The following SIPA1L2 variants were observed in gnomAD, a reference collection of about 807,000 sequenced individuals.
SIPA1L2 encodes the protein signal induced proliferation associated 1 like 2.
In SIPA1L2, 56 loss-of-function variants were observed where a neutral mutation model predicts 163.9. The observed-to-expected ratio is 0.34, with a 90% CI of 0.28 to 0.43. SIPA1L2 has a LOEUF of 0.43. Among genes scored for constraint, SIPA1L2 ranks in the 20% least tolerant of loss-of-function variants. The pLI, the probability that SIPA1L2 is intolerant of heterozygous loss-of-function variation, is 1.00. For missense variants in SIPA1L2, 1,974 were observed against 2,193.5 expected (o/e 0.90, Z 2.00); for synonymous variants, 877 against 865.7 (o/e 1.01, Z -0.23).
At chr1:232,591,593 C>T (rs1660962049) in intron 1 of SIPA1L2, among the ~76,000 whole-genome samples, 1 of 152,260 alleles carries the variant, frequency 6.6e-6, no homozygotes, top group African/African-American at 2.4e-5. Context: ...TGTGTGTTGC[C>T]TTTAAGCTCT....
upstream of SIPA1L2, among the ~76,000 whole-genome samples, chr1:232,630,172 C>G (rs923292755): frequency 6.6e-6 from 1 of 151,532 alleles, no homozygotes; most frequent in African/African-American, 2.4e-5. Context: ...GCCCGCCCAG[C>G]GGCACCGCCC....
chr1:232,415,514 T>A lies in SIPA1L2; in HGVS notation c.4742A>T (p.Asp1581Val), dbSNP rs1393460518. The part of the protein sequence containing the change: ...ATGLDWTHLV[D>V]AARAFEGLDS... ...TTTACCTTCAAATGCCCGTGCAGCA[T>A]CCACGAGGTGGGTCCAATCTAACCC... The change falls in exon 19 of 23, where the codon GAT becomes GTT. Residue 1581 changes from aspartate (D) to valine (V), a missense_variant. Asp to Val is a radical substitution (Grantham distance 152). Around this residue, in one of 3 missense-constraint regions of SIPA1L2, gnomAD observed 1,079 missense variants for 1,150.7 expected, o/e 0.94. Transcript: ENST00000674635. 1 of 1,612,112 alleles carries A rather than the reference T, an allele frequency of 6.2e-7. No homozygotes were observed. The highest frequency in any genetic ancestry group is 1.1e-5 in the South Asian group (1 of 90,656).
In SIPA1L2 at chr1:232,513,911, T is replaced by G; in HGVS notation, c.1429A>C (p.Ile477Leu). The change falls in exon 3 of 23, where the codon ATA becomes CTA. Residue 477 changes from isoleucine to leucine, a missense_variant. By Grantham distance (5) the Ile-to-Leu change is conservative (BLOSUM62 2). Coordinates refer to ENST00000674635, the MANE Select transcript of SIPA1L2 (RefSeq NM_020808.5). ...IHREKVKRYIIEHIDLGAYYY... is the reference protein window; with the variant it reads ...IHREKVKRYILEHIDLGAYYY... ...TAGGCCCCAAGGTCAATGTGTTCTA[T>G]GATGTAGCGCTTCACTTTCTCCCTG... 6.2e-7 allele frequency: 1 copy of G among 1,612,624 alleles called. No individual in the cohort carries two copies. Among genetic ancestry groups the G allele is most frequent in the East Asian group, 2.2e-5 (1 of 44,880 alleles).
chr1:232,430,020 A>G (rs1433848812), intron 16 of SIPA1L2, among the ~76,000 whole-genome samples: 1 of 152,264 alleles, frequency 6.6e-6, no homozygotes, highest in Non-Finnish European at 1.5e-5. Context: ...TTTCTCTGCT[A>G]AACTAGTAAT....
intron 7 of SIPA1L2, among the ~76,000 whole-genome samples, chr1:232,478,732 T>C (rs960965304): frequency 6.6e-6 from 1 of 152,212 alleles, no homozygotes; most frequent in Non-Finnish European, 1.5e-5. Context: ...AAAATTAAAT[T>C]ATGTCAATGA....
intron 2 of SIPA1L2, among the ~76,000 whole-genome samples, chr1:232,543,213 GTCTA>G (rs1382983409): frequency 1.3e-5 from 2 of 152,130 alleles, no homozygotes; most frequent in Admixed American, 6.5e-5. Flanking sequence ...TTTCACCTAG[GTCTA>G]TCTAACTAGT....
intron 2 of SIPA1L2, among the ~76,000 whole-genome samples, chr1:232,529,355 T>C (rs1246908843): frequency 1.3e-5 from 2 of 152,222 alleles, no homozygotes; most frequent in Non-Finnish European, 2.9e-5. Context: ...TCAAAATACG[T>C]TGTGTTCCTT....
At chr1:232,416,808 T>C (rs6658285) in intron 18 of SIPA1L2, among the ~76,000 whole-genome samples, 4,393 of 152,308 alleles carry the variant, frequency 0.029, 216 homozygotes, top group African/African-American at 0.1. Context: ...TCACCCACCC[T>C]GTATTCAATG....
Position 232,398,956 on chromosome 1 carries a change from T to C in SIPA1L2, c.*171A>G. 1 of 812,014 alleles carries C rather than the reference T, an allele frequency of 1.2e-6. No homozygotes were observed. Among genetic ancestry groups the C allele is most frequent in the Non-Finnish European group, 1.9e-6 (1 of 529,018 alleles). 50.3% of individuals were successfully genotyped at this position (812,014 alleles called of 1,614,324 possible). A position where few individuals can be genotyped will look rare whatever the true frequency, so the allele number is the denominator to read the frequency against. On this transcript the variant is annotated 3_prime_UTR_variant, in exon 23 of 23. Transcript: ENST00000674635. ...ACATCGGCGCTGCTCTCTGCCGTGGTTACCGAGAAAGAGTCGAGGCTCCCT... is the reference window on the plus strand; with the variant it reads ...ACATCGGCGCTGCTCTCTGCCGTGGCTACCGAGAAAGAGTCGAGGCTCCCT...
chr1:232,616,776 T>C (rs928748711), intron 1 of SIPA1L2, among the ~76,000 whole-genome samples: 4 of 152,222 alleles, frequency 2.6e-5, no homozygotes, highest in Admixed American at 6.5e-5. Flanking sequence ...AAACCACCAT[T>C]AACCCGGTAC....
chr1:232,511,023 C>T (rs1666955997), intron 3 of SIPA1L2, among the ~76,000 whole-genome samples: 1 of 152,118 alleles, frequency 6.6e-6, no homozygotes, highest in African/African-American at 2.4e-5. Context: ...GCAGCCATGG[C>T]TTCATCAATA....
chr1:232,554,359 A>G (rs1028320491), intron 2 of SIPA1L2, among the ~76,000 whole-genome samples: 4 of 152,232 alleles, frequency 2.6e-5, no homozygotes, highest in African/African-American at 9.6e-5. Flanking sequence ...TCCTACAGGA[A>G]AGGATATGGT....
At chr1:232,445,461 C>T in intron 11 of SIPA1L2, 68 bp downstream of exon 11, 2 of 1,600,742 alleles carry the variant, frequency 1.2e-6, no homozygotes, top group Non-Finnish European at 1.7e-6. Flanking sequence ...AAAACCCTCC[C>T]TACAATGTCA....
chr1:232,430,637 T>C (rs1431425030), intron 16 of SIPA1L2, among the ~76,000 whole-genome samples: 3 of 152,208 alleles, frequency 2.0e-5, no homozygotes, highest in Non-Finnish European at 4.4e-5. Context: ...AAACACTCTG[T>C]GTTGCTGGGC....
At position 232,465,495 on chromosome 1, in the gene SIPA1L2, T is replaced by A; in HGVS notation, c.2244-79A>T. The A allele has an allele frequency of 9.4e-7, 1 of 1,065,652 alleles. No homozygotes were observed. Among genetic ancestry groups the A allele is most frequent in the Non-Finnish European group, 1.4e-6 (1 of 730,360 alleles). 66.0% of individuals were successfully genotyped at this position (1,065,652 alleles called of 1,614,324 possible). A position where few individuals can be genotyped will look rare whatever the true frequency, so the allele number is the denominator to read the frequency against. On this transcript the variant is annotated intron_variant, in intron 8 of 22. Transcript: ENST00000674635. This position sits in a 1 kb window ranked among gnomAD's most constrained non-coding sequence, Gnocchi z 4.1. ...TATCTTTCCGAATTTGACATATATA[T>A]ACACACACACACACATATACATACA...
chr1:232,497,972 C>A (rs574470236), intron 3 of SIPA1L2, among the ~76,000 whole-genome samples: 1 of 152,308 alleles, frequency 6.6e-6, no homozygotes, highest in Non-Finnish European at 1.5e-5. Context: ...TGGAACCAAT[C>A]CTGCTCCCTC....
intron 3 of SIPA1L2, among the ~76,000 whole-genome samples, chr1:232,494,921 T>C (rs1666103820): frequency 6.6e-6 from 1 of 152,134 alleles, no homozygotes; most frequent in South Asian, 2.1e-4. Context: ...TTTTTCACCC[T>C]GACTTAAGGT....
intron 1 of SIPA1L2, among the ~76,000 whole-genome samples, chr1:232,607,983 A>T (rs1662029860): frequency 7.7e-6 from 1 of 129,642 alleles, no homozygotes; most frequent in African/African-American, 2.9e-5. Context: ...CGAACTGGGG[A>T]GGCGGAGGTT....
intron 4 of SIPA1L2, among the ~76,000 whole-genome samples, chr1:232,492,254 A>T (rs1247829117): frequency 6.6e-6 from 1 of 152,208 alleles, no homozygotes; most frequent in Non-Finnish European, 1.5e-5. Flanking sequence ...ACCAAAATAC[A>T]TATTCTGGAA....
Sources: allele counts gnomAD v4.1 joint callset (sites outside exome capture counted in the v4.1 genomes callset), GRCh38; gene constraint gnomAD v4.1.1; regional missense constraint gnomAD v4.1.1; non-coding constraint Gnocchi (gnomAD v3.1); transcripts MANE v1.5; gene names NCBI Gene and HGNC (gene_info 2026-07-23, HGNC 2026-07-21).